The following ADK variants were observed in gnomAD, a reference collection of about 807,000 sequenced individuals.
The protein encoded by ADK is N6,N6-dimethyladenosine kinase.
ADK carries 24 observed loss-of-function variants against 44.7 expected under a neutral mutation model. The ratio of observed to expected loss-of-function variants is 0.54; its 90% confidence interval spans 0.39 to 0.76. ADK has a LOEUF of 0.76. Among genes scored for constraint, ADK ranks in the 30% least tolerant of loss-of-function variants. The pLI is 0.00. For synonymous variants in ADK, 128 were observed against 142.6 expected, an observed-to-expected ratio of 0.90 and a Z score of 0.73; for missense variants, 321 against 425.1, an observed-to-expected ratio of 0.76 and a Z score of 2.15.
At chr10:74,679,498 A>C (rs1273507092) in intron 10 of ADK, among the ~76,000 whole-genome samples, 2 of 152,078 alleles carry the variant, frequency 1.3e-5, no homozygotes, top group Admixed American at 6.6e-5. Context: ...GGCAAGTTTC[A>C]ATGTTCTGTG....
At chr10:74,178,345 G>A (rs780163788) in intron 1 of ADK, among the ~76,000 whole-genome samples, 4 of 152,186 alleles carry the variant, frequency 2.6e-5, no homozygotes, top group Non-Finnish European at 4.4e-5. Context: ...GGATTTCACA[G>A]TAAATTATAT....
chr10:74,334,336 C>A (rs1010504163), intron 4 of ADK, among the ~76,000 whole-genome samples: 1 of 152,142 alleles, frequency 6.6e-6, no homozygotes, highest in Non-Finnish European at 1.5e-5. Context: ...TGTTCCCAGA[C>A]AAAAAGCAAG....
chr10:74,327,113 G>A lies in ADK; in HGVS notation c.273+12368G>A, dbSNP rs984362710. 3.3e-5 allele frequency among the ~76,000 whole-genome samples: 5 copies of A among 151,682 alleles called. No homozygotes were observed. In the South Asian group the frequency reaches 8.3e-4, roughly 25 times the overall value. On this transcript the variant is annotated intron_variant, in intron 4 of 10. Transcript: ENST00000539909. The stretch of plus-strand genomic sequence containing the variant: ...TCTTGTTTTTCTAGTCCCTTGAGGC[G>A]CAACATTAGGTTTATATCTTTCCTC...
intron 2 of ADK, among the ~76,000 whole-genome samples, chr10:74,210,031 T>G (rs1843750714): frequency 6.6e-6 from 1 of 151,900 alleles, no homozygotes; most frequent in African/African-American, 2.4e-5. Context: ...TCAGTAGAAA[T>G]GAAAATACTC....
rs905773877 is a variant in ADK, at chr10:74,424,509, T to A, written c.555+25930T>A. ...AGATCCCCGCCACTGCACTCCAGCC[T>A]GGGCAACAAGAGCAAAACTCCGTCT... On this transcript the variant is annotated intron_variant, in intron 6 of 10. Coordinates refer to ENST00000539909, the MANE Select transcript of ADK (RefSeq NM_006721.4). Among the ~76,000 whole-genome samples, 3 of 108,010 alleles carry A rather than the reference T, an allele frequency of 2.8e-5. No individual in the cohort carries two copies. The Admixed American group carries it at 4.3e-4, about 16-fold the overall frequency. The allele number at this position is 108,010 out of a possible 152,430, so 70.9% of individuals were successfully genotyped here. A position where few individuals can be genotyped will look rare whatever the true frequency, so the allele number is the denominator to read the frequency against.
At chr10:74,279,504 T>G (rs1009333227) in intron 3 of ADK, among the ~76,000 whole-genome samples, 19 of 149,486 alleles carry the variant, frequency 1.3e-4, no homozygotes, top group African/African-American at 4.5e-4. Flanking sequence ...GAGAATCACT[T>G]GAACCCGGAG....
intron 6 of ADK, among the ~76,000 whole-genome samples, chr10:74,412,919 A>G (rs1258725708): frequency 2.6e-5 from 4 of 152,124 alleles, no homozygotes; most frequent in African/African-American, 9.7e-5. Flanking sequence ...TGAGCTGGGC[A>G]TGGTGGTGCA....
intron 6 of ADK, among the ~76,000 whole-genome samples, chr10:74,464,878 C>A (rs1378562672): frequency 6.6e-6 from 1 of 151,430 alleles, no homozygotes; most frequent in Non-Finnish European, 1.5e-5. Flanking sequence ...TCAAAGGACA[C>A]TTTTTGAAAT....
chr10:74,190,559 A>G (rs1207838120), intron 1 of ADK, among the ~76,000 whole-genome samples: 1 of 152,188 alleles, frequency 6.6e-6, no homozygotes, highest in African/African-American at 2.4e-5. Flanking sequence ...AGGGAGCTGA[A>G]ATGTTAAGCA....
intron 2 of ADK, among the ~76,000 whole-genome samples, chr10:74,215,232 T>G (rs183270139): frequency 8.9e-4 from 135 of 152,360 alleles, no homozygotes; most frequent in East Asian, 3.9e-3. Flanking sequence ...AGAATACCTA[T>G]CTATGCCATT....
intron 4 of ADK, among the ~76,000 whole-genome samples, chr10:74,315,074 A>G (rs1406709763): frequency 6.6e-6 from 1 of 151,962 alleles, no homozygotes; most frequent in African/African-American, 2.4e-5. Flanking sequence ...TTATAAGTTG[A>G]AAGTATTTAT....
intron 3 of ADK, among the ~76,000 whole-genome samples, chr10:74,235,150 A>T (rs1462499885): frequency 6.8e-6 from 1 of 148,056 alleles, no homozygotes; most frequent in Admixed American, 6.7e-5. Flanking sequence ...TTTTTCTGAA[A>T]CTTTCCGGTT....
intron 7 of ADK, 58 bp from the exon 8 acceptor site, chr10:74,589,224 T>G: frequency 6.6e-7 from 1 of 1,519,090 alleles, no homozygotes; most frequent in Non-Finnish European, 9.1e-7. Context: ...AAAAAATGGA[T>G]TATTTCTTCA....
intron 6 of ADK, among the ~76,000 whole-genome samples, chr10:74,420,712 G>A (rs150549629): frequency 8.5e-5 from 13 of 152,196 alleles, no homozygotes; most frequent in Non-Finnish European, 1.3e-4. Flanking sequence ...GAATTTAGAT[G>A]TTTGTTCTCC....
At chr10:74,511,292 G>C (rs532420625) in intron 6 of ADK, among the ~76,000 whole-genome samples, 45 of 152,162 alleles carry the variant, frequency 3.0e-4, no homozygotes, top group Admixed American at 2.4e-3. Context: ...AGGTCTGATA[G>C]TGTGGTACCT....
At chr10:74,383,641 G>A (rs999550382) in intron 4 of ADK, among the ~76,000 whole-genome samples, 1 of 152,128 alleles carries the variant, frequency 6.6e-6, no homozygotes, top group African/African-American at 2.4e-5. Context: ...GGGAAATGAA[G>A]ACTTGAAGAA....
intron 4 of ADK, among the ~76,000 whole-genome samples, chr10:74,366,390 T>C (rs954660763): frequency 2.0e-5 from 3 of 152,218 alleles, no homozygotes; most frequent in Non-Finnish European, 4.4e-5. Flanking sequence ...TTGGTTGATA[T>C]TGAACAAATT....
At chr10:74,289,668 C>A (rs767811130) in intron 3 of ADK, among the ~76,000 whole-genome samples, 2 of 152,024 alleles carry the variant, frequency 1.3e-5, no homozygotes, top group Non-Finnish European at 2.9e-5. Context: ...TCCCTTCCAA[C>A]TAATTTTTCT....
chr10:74,602,003 G>A (rs570862467), intron 9 of ADK, among the ~76,000 whole-genome samples: 1 of 149,900 alleles, frequency 6.7e-6, no homozygotes, highest in South Asian at 2.1e-4. Flanking sequence ...TACTTGGGAG[G>A]CTGATGCAAG....
Sources: allele counts gnomAD v4.1 joint callset (sites outside exome capture counted in the v4.1 genomes callset), GRCh38; gene constraint gnomAD v4.1.1; transcripts MANE v1.5; gene names NCBI Gene and HGNC (gene_info 2026-07-23, HGNC 2026-07-21).